The following LYPD6B variants were observed in gnomAD, a reference collection of about 807,000 sequenced individuals.
LYPD6B encodes the protein LY6/PLAUR domain containing 6B, also known as ly6/PLAUR domain-containing protein 6B.
In LYPD6B, 17 loss-of-function variants were observed where a neutral mutation model predicts 22.8. That is an observed-to-expected ratio of 0.75 (90% confidence interval 0.51 to 1.12). LYPD6B has a LOEUF of 1.12. LYPD6B is among the 50% of genes most tolerant of loss of function. The pLI, the probability that LYPD6B is intolerant of heterozygous loss-of-function variation, is 0.00. For synonymous variants in LYPD6B, 106 were observed against 91.6 expected (o/e 1.16, Z -0.90); for missense variants, 221 against 258.3 (o/e 0.86, Z 0.99).
At chr2:149,104,411 T>C (rs1273209749) in intron 1 of LYPD6B, among the ~76,000 whole-genome samples, 2 of 152,182 alleles carry the variant, frequency 1.3e-5, no homozygotes, top group Non-Finnish European at 2.9e-5. Flanking sequence ...TTAGCTATTT[T>C]ATCTTGTGGG....
chr2:149,173,058 T>C (rs1312771444), intron 3 of LYPD6B, among the ~76,000 whole-genome samples: 1 of 152,000 alleles, frequency 6.6e-6, no homozygotes, highest in African/African-American at 2.4e-5. Context: ...ATATATATGT[T>C]CTATGGGTTG....
intron 1 of LYPD6B, among the ~76,000 whole-genome samples, chr2:149,077,088 C>T (rs867154191): frequency 1.3e-5 from 2 of 152,170 alleles, no homozygotes; most frequent in African/African-American, 2.4e-5. Context: ...TGGCCATAGC[C>T]GAACTGCTGT....
intron 3 of LYPD6B, among the ~76,000 whole-genome samples, chr2:149,174,343 A>T (rs1398860952): frequency 6.6e-6 from 1 of 152,216 alleles, no homozygotes; most frequent in African/African-American, 2.4e-5. Context: ...AGATAGTTTG[A>T]TATCCTCCCT....
chr2:149,087,371 C>T (rs1286293734), intron 1 of LYPD6B, among the ~76,000 whole-genome samples: 2 of 151,960 alleles, frequency 1.3e-5, no homozygotes, highest in East Asian at 3.9e-4. Flanking sequence ...TAGATTTTTA[C>T]GTATGTAAAG....
intron 1 of LYPD6B, among the ~76,000 whole-genome samples, chr2:149,120,012 A>G (rs1056190211): frequency 1.3e-5 from 2 of 152,110 alleles, no homozygotes. Flanking sequence ...CCTACTGCAG[A>G]GAAAAGGAAT....
chr2:149,129,994 C>T (rs962152489), intron 1 of LYPD6B, among the ~76,000 whole-genome samples: 2 of 152,206 alleles, frequency 1.3e-5, no homozygotes, highest in African/African-American at 4.8e-5. Flanking sequence ...CGTCCAGGAG[C>T]CTGGGTACTG....
chr2:149,123,996 G>A (rs995855681), intron 1 of LYPD6B, among the ~76,000 whole-genome samples: 1 of 152,086 alleles, frequency 6.6e-6, no homozygotes, highest in Non-Finnish European at 1.5e-5. Flanking sequence ...ATCCAGGAAG[G>A]CCCCCCGGGC....
intron 1 of LYPD6B, among the ~76,000 whole-genome samples, chr2:149,040,746 G>T (rs1248570699): frequency 6.6e-6 from 1 of 152,178 alleles, no homozygotes; most frequent in African/African-American, 2.4e-5. Flanking sequence ...GCTCACCAGC[G>T]CCTAAAGGTA....
At chr2:149,150,203 T>A (rs1159437571) in intron 2 of LYPD6B, among the ~76,000 whole-genome samples, 1 of 152,200 alleles carries the variant, frequency 6.6e-6, no homozygotes, top group Non-Finnish European at 1.5e-5. Context: ...CTTGCGTTAA[T>A]GTGGATGGGT....
chr2:149,062,394 C>T (rs80320129), intron 1 of LYPD6B, among the ~76,000 whole-genome samples: 5 of 152,080 alleles, frequency 3.3e-5, no homozygotes, highest in African/African-American at 9.7e-5. Flanking sequence ...ATGATGATCA[C>T]GATGATGGCA....
intron 1 of LYPD6B, among the ~76,000 whole-genome samples, chr2:149,061,573 T>C (rs1684083902): frequency 6.6e-6 from 1 of 152,072 alleles, no homozygotes; most frequent in Non-Finnish European, 1.5e-5. Flanking sequence ...AGTTAGTATT[T>C]ATTGGTGTGC....
At chr2:149,120,784 C>CTTTTTTTTTTTTTTTTTT (rs567231544) in intron 1 of LYPD6B, among the ~76,000 whole-genome samples, 1 of 95,554 alleles carries the variant, frequency 1.0e-5, no homozygotes, top group Non-Finnish European at 1.9e-5. Flanking sequence ...GCTACAAAGT[C>CTTTTTTTTTTTTTTTTTT]TTTTTTTTTT....
At chr2:149,088,355 G>T (rs1174227472) in intron 1 of LYPD6B, among the ~76,000 whole-genome samples, 1 of 152,092 alleles carries the variant, frequency 6.6e-6, no homozygotes, top group Non-Finnish European at 1.5e-5. Flanking sequence ...ATATAGTTAG[G>T]CTGGCAGGGG....
intron 1 of LYPD6B, among the ~76,000 whole-genome samples, chr2:149,112,021 G>A (rs189956740): frequency 6.6e-6 from 1 of 152,276 alleles, no homozygotes; most frequent in East Asian, 1.9e-4. Context: ...GAAGACATTG[G>A]GACCTTGACA....
chr2:149,078,615 A>C (rs1684981561), intron 1 of LYPD6B, among the ~76,000 whole-genome samples: 1 of 152,198 alleles, frequency 6.6e-6, no homozygotes, highest in Non-Finnish European at 1.5e-5. Context: ...TGAAAGAACA[A>C]ATAGAAATTT....
intron 3 of LYPD6B, among the ~76,000 whole-genome samples, chr2:149,200,405 T>C (rs148728512): frequency 6.6e-6 from 1 of 152,288 alleles, no homozygotes; most frequent in African/African-American, 2.4e-5. Flanking sequence ...CCCACAACTT[T>C]TGTCTTGCTT....
At chr2:149,066,431 G>T (rs987818197) in intron 1 of LYPD6B, among the ~76,000 whole-genome samples, 4 of 151,474 alleles carry the variant, frequency 2.6e-5, no homozygotes, top group South Asian at 4.2e-4. Flanking sequence ...GCAGTGTTTG[G>T]TTTTTTGTCC....
At chr2:149,083,587 G>T (rs889115695) in intron 1 of LYPD6B, among the ~76,000 whole-genome samples, 1 of 152,142 alleles carries the variant, frequency 6.6e-6, no homozygotes, top group Non-Finnish European at 1.5e-5. Context: ...TTCTTTGCAT[G>T]TCATTTACTT....
chr2:149,118,302 T>TG (rs1416642783), intron 1 of LYPD6B: 5 of 152,244 alleles, frequency 3.3e-5, no homozygotes, highest in Non-Finnish European at 7.3e-5. Context: ...GATGTTTTCT[T>TG]GGGTTTGATA....
Sources: allele counts gnomAD v4.1 joint callset (sites outside exome capture counted in the v4.1 genomes callset), GRCh38; gene constraint gnomAD v4.1.1; transcripts MANE v1.5; gene names NCBI Gene and HGNC (gene_info 2026-07-23, HGNC 2026-07-21).